SRGAP3: variants seen among roughly 807,000 people sequenced by gnomAD.
SRGAP3 encodes the protein SLIT-ROBO Rho GTPase-activating protein 3.
Under a neutral mutation model 121.1 loss-of-function variants are expected in SRGAP3, and 39 were observed. The observed-to-expected ratio is 0.32, with a 90% confidence interval of 0.25 to 0.42. The LOEUF is 0.42. Among genes scored for constraint, SRGAP3 ranks in the 10% least tolerant of loss-of-function variants. SRGAP3 has a pLI of 1.00. For synonymous variants in SRGAP3, 601 were observed against 570.0 expected (o/e 1.05, Z -0.77); for missense variants, 1,213 against 1,470.6 (o/e 0.82, Z 2.86).
chr3:9,009,308 C>G (rs1390194105), intron 18 of SRGAP3, among the ~76,000 whole-genome samples: 1 of 152,108 alleles, frequency 6.6e-6, no homozygotes, highest in Non-Finnish European at 1.5e-5. Context: ...ACACAAAGGA[C>G]AAGTAAGAGA....
chr3:9,224,068 G>A (rs944008302), intron 1 of SRGAP3, among the ~76,000 whole-genome samples: 1 of 152,090 alleles, frequency 6.6e-6, no homozygotes, highest in African/African-American at 2.4e-5. Context: ...GAGAAGGCCT[G>A]ACCCTCCTCT....
chr3:9,299,051 C>CAAAAAAAAAAAAAAA (rs71049787), intron 3 of SRGAP3, among the ~76,000 whole-genome samples: 1 of 70,400 alleles, frequency 1.4e-5, no homozygotes, highest in African/African-American at 6.6e-5. Flanking sequence ...GACTCCATCT[C>CAAAAAAAAAAAAAAA]AAAAAAAAAA....
chr3:9,202,841 C>T lies in SRGAP3; in HGVS notation c.67+46044G>A, dbSNP rs76892675. Among the ~76,000 whole-genome samples the T allele has an allele frequency of 3.2e-3, 491 of 152,352 alleles. 1 individual carries two copies. Among genetic ancestry groups the T allele is most frequent in the African/African-American group, 0.011 (464 of 41,576 alleles). On this transcript the variant is annotated intron_variant, in intron 1 of 21. Transcript: ENST00000383836. ...GCCCACAGTGGCTGACAGCTCCCAG[C>T]GGAGCCCCTCTCCAGAACATGCTCT...
chr3:8,990,396 T>C, intron 21 of SRGAP3, 116 bp downstream of exon 21: 3 of 1,351,544 alleles, frequency 2.2e-6, no homozygotes, highest in Non-Finnish European at 3.1e-6. Flanking sequence ...TCTCCTGTTC[T>C]CTGGCTTAGC....
chr3:9,330,925 GT>G (rs1321423880), intron 1 of SRGAP3, among the ~76,000 whole-genome samples: 1 of 152,140 alleles, frequency 6.6e-6, no homozygotes, highest in African/African-American at 2.4e-5. Flanking sequence ...ACTAAGTTAG[GT>G]TTTTGTCTGA....
intron 1 of SRGAP3, among the ~76,000 whole-genome samples, chr3:9,181,566 G>A (rs1272605560): frequency 6.6e-6 from 1 of 152,146 alleles, no homozygotes; most frequent in African/African-American, 2.4e-5. Flanking sequence ...AGGTTTCCTG[G>A]CTAGCTGCCC....
intron 17 of SRGAP3, among the ~76,000 whole-genome samples, chr3:9,011,356 C>T (rs368772433): frequency 8.7e-4 from 132 of 152,272 alleles, no homozygotes; most frequent in South Asian, 8.5e-3. Flanking sequence ...CATTTTATTA[C>T]GAAAAATTCT....
intron 3 of SRGAP3, among the ~76,000 whole-genome samples, chr3:9,279,243 G>A (rs1438140437): frequency 3.9e-5 from 6 of 152,144 alleles, no homozygotes; most frequent in Admixed American, 6.5e-5. Flanking sequence ...ATCAGTCATC[G>A]AAGAGGGGTG....
chr3:9,011,539 C>T (rs573196541), intron 17 of SRGAP3, among the ~76,000 whole-genome samples: 2 of 152,344 alleles, frequency 1.3e-5, no homozygotes, highest in South Asian at 4.1e-4. Flanking sequence ...TCCCACTCCT[C>T]ACTGGGTTGG....
chr3:9,038,048 C>A lies in SRGAP3; in HGVS notation c.1436+15G>T. 3 of 1,614,190 alleles carry A rather than the reference C, an allele frequency of 1.9e-6. No homozygotes were observed. In the South Asian group the frequency reaches 3.3e-5, roughly 18 times the overall value. ...GGGCAGCAGATGAAAGAAAACACAA[C>A]TCTCCCACTCTCACCTGGTGGTGCC... On this transcript the variant is annotated intron_variant, in intron 11 of 21. Coordinates refer to ENST00000383836, the MANE Select transcript of SRGAP3 (RefSeq NM_014850.4).
rs1032220748 is a variant in SRGAP3, at chr3:9,359,610, A to G, written n.214+3230T>C. Reference sequence around the variant, plus strand: ...CATTCCTTCCTCCAGGATATGGGGTAGGGCCCTCTCTGGAATAGATGCCTT... The same window carrying G: ...CATTCCTTCCTCCAGGATATGGGGTGGGGCCCTCTCTGGAATAGATGCCTT... On this transcript the variant is annotated intron_variant and non_coding_transcript_variant, in intron 1 of 3. Transcript: ENST00000490889. Among the ~76,000 whole-genome samples the G allele has an allele frequency of 3.9e-5, 6 of 152,314 alleles. No individual in the cohort carries two copies. The East Asian group carries it at 9.6e-4, about 24-fold the overall frequency.
intron 18 of SRGAP3, among the ~76,000 whole-genome samples, chr3:8,997,939 G>A (rs1942511061): frequency 6.6e-6 from 1 of 151,206 alleles, no homozygotes; most frequent in African/African-American, 2.4e-5. Context: ...GGAGTGCAGT[G>A]GTGCAATCAT....
At position 9,014,011 on chromosome 3, in the gene SRGAP3, T is replaced by G. The variant is rs55641311; in HGVS notation, c.1814-169A>C. On this transcript the variant is annotated intron_variant, in intron 15 of 21. Coordinates refer to ENST00000383836, the MANE Select transcript of SRGAP3 (RefSeq NM_014850.4). ...GGCCTGGCCAATCAGAGCATCCATC[T>G]CCCTAGCTACAGGGAGGGGCTGGAG... is the stretch of plus-strand genomic sequence containing the variant. The G allele has an allele frequency of 4.3e-5, 30 of 694,190 alleles. No homozygotes were observed. The East Asian group carries it at 7.4e-4, about 17-fold the overall frequency. The allele number at this position is 694,190 out of a possible 1,614,324, so 43.0% of individuals were successfully genotyped here. A position where few individuals can be genotyped will look rare whatever the true frequency, so the allele number is the denominator to read the frequency against.
exon 1 of SRGAP3, chr3:9,362,918 T>C (rs921998523): frequency 6.6e-5 from 10 of 152,256 alleles, no homozygotes; most frequent in African/African-American, 2.4e-4. Flanking sequence ...ACTCTCCGCT[T>C]TCAGCTTACT....
chr3:9,242,804 C>T (rs1385270161), intron 1 of SRGAP3, among the ~76,000 whole-genome samples: 1 of 152,208 alleles, frequency 6.6e-6, no homozygotes, highest in African/African-American at 2.4e-5. Context: ...CCCACCTCAA[C>T]TTCCTGAGTA....
intron 1 of SRGAP3, among the ~76,000 whole-genome samples, chr3:9,230,238 C>T (rs138217757): frequency 2.2e-3 from 342 of 152,262 alleles, no homozygotes; most frequent in African/African-American, 7.9e-3. Flanking sequence ...CAGTGAGGCT[C>T]AAAGAGATGA....
intron 3 of SRGAP3, among the ~76,000 whole-genome samples, chr3:9,287,038 C>A (rs112680333): frequency 7.9e-6 from 1 of 126,510 alleles, no homozygotes. Context: ...GTCACCCAGG[C>A]TGGATTGGAG....
intron 14 of SRGAP3, among the ~76,000 whole-genome samples, chr3:9,020,053 A>G (rs1019191862): frequency 6.6e-6 from 1 of 152,196 alleles, no homozygotes; most frequent in Non-Finnish European, 1.5e-5. Context: ...GCATGTCACT[A>G]AGGGAGACAT....
At chr3:9,060,699 CAA>C (rs1946117188) in intron 5 of SRGAP3, among the ~76,000 whole-genome samples, 1 of 152,060 alleles carries the variant, frequency 6.6e-6, no homozygotes, top group South Asian at 2.1e-4. Flanking sequence ...CTTAGCCTCC[CAA>C]GTGTTGGGAT....
Sources: allele counts gnomAD v4.1 joint callset (sites outside exome capture counted in the v4.1 genomes callset), GRCh38; gene constraint gnomAD v4.1.1; transcripts MANE v1.5; gene names NCBI Gene and HGNC (gene_info 2026-07-23, HGNC 2026-07-21).